The following WSCD2 variants were observed in gnomAD, a reference collection of about 807,000 sequenced individuals.
WSCD2 encodes the protein sialate:O-sulfotransferase 2.
WSCD2 carries 28 observed loss-of-function variants against 55.7 expected under a neutral mutation model. That is an observed-to-expected ratio of 0.50 (90% confidence interval 0.37 to 0.69). The LOEUF (loss-of-function observed/expected upper bound fraction) is 0.69, where lower values mean the gene tolerates loss of function less well. Ranked by LOEUF, WSCD2 falls within the 30% of genes least tolerant of loss-of-function variation. WSCD2 has a pLI of 0.00. For missense variants in WSCD2, 616 were observed against 762.1 expected (o/e 0.81, Z 2.26); for synonymous variants, 301 against 301.9 (o/e 1.00, Z 0.03).
intron 1 of WSCD2, among the ~76,000 whole-genome samples, chr12:108,194,746 T>G (rs573799408): frequency 6.6e-6 from 1 of 152,284 alleles, no homozygotes; most frequent in South Asian, 2.1e-4. Context: ...GAATGTGAGC[T>G]CTATGAAAGA....
At chr12:108,197,333 T>C (rs986125639) in intron 2 of WSCD2, 1 of 152,318 alleles carries the variant, frequency 6.6e-6, no homozygotes, top group Non-Finnish European at 1.5e-5. Context: ...CTGGGAACCA[T>C]CTAGAAGACT....
At chr12:108,150,845 G>A (rs1005152896) in intron 1 of WSCD2, among the ~76,000 whole-genome samples, 4 of 152,152 alleles carry the variant, frequency 2.6e-5, no homozygotes, top group South Asian at 2.1e-4. Flanking sequence ...AGACCTCTGC[G>A]AGAAGCTCTG....
At chr12:108,173,225 G>A (rs971376798) in intron 1 of WSCD2, among the ~76,000 whole-genome samples, 3 of 152,198 alleles carry the variant, frequency 2.0e-5, no homozygotes, top group African/African-American at 7.2e-5. Context: ...GTGCTGTCGA[G>A]ATGTCCCCCT....
In WSCD2 at chr12:108,184,374, G is replaced by A. The variant is rs111353524; in HGVS notation, c.-551-10908G>A. On this transcript the variant is annotated intron_variant, in intron 1 of 8. Transcript: ENST00000547525. ...AAGATTGGGCTTGGGTGATTTGGGGGTGGGGATGGCAGTTATTTTTCACTC... is the reference window on the plus strand; with the variant it reads ...AAGATTGGGCTTGGGTGATTTGGGGATGGGGATGGCAGTTATTTTTCACTC... 2.4e-3 allele frequency among the ~76,000 whole-genome samples: 370 copies of A among 152,342 alleles called. 2 individuals are homozygous for A. The highest frequency in any genetic ancestry group is 8.5e-3 in the African/African-American group (352 of 41,582).
chr12:108,152,496 A>T (rs750956902), intron 1 of WSCD2, among the ~76,000 whole-genome samples: 1 of 152,112 alleles, frequency 6.6e-6, no homozygotes, highest in African/African-American at 2.4e-5. Flanking sequence ...GATGCTGTGT[A>T]ATTCAGCCCT....
chr12:108,169,374 G>A (rs541811651), intron 1 of WSCD2, among the ~76,000 whole-genome samples: 1 of 151,370 alleles, frequency 6.6e-6, no homozygotes, highest in African/African-American at 2.4e-5. Flanking sequence ...CAGTGAAACC[G>A]GTCCCTGGTG....
Position 108,188,563 on chromosome 12 carries a change from G to A in WSCD2, c.-551-6719G>A, listed in dbSNP as rs555081716. On this transcript the variant is annotated intron_variant, in intron 1 of 8. Transcript: ENST00000547525. The stretch of plus-strand genomic sequence containing the variant: ...AAATTCTGGATTCCTAAGACAATGA[G>A]GGAAAGGATTTGGCATTTATAATGG... Among the ~76,000 whole-genome samples the A allele has an allele frequency of 5.9e-5, 9 of 152,272 alleles. No homozygotes were observed. The South Asian group carries it at 1.2e-3, about 21-fold the overall frequency.
chr12:108,182,332 G>A (rs966975196), intron 1 of WSCD2, among the ~76,000 whole-genome samples: 2 of 152,226 alleles, frequency 1.3e-5, no homozygotes, highest in Non-Finnish European at 2.9e-5. Context: ...CTGGAAGGCA[G>A]CGAGGCATGA....
intron 8 of WSCD2, chr12:108,244,471 T>C (rs754634360): frequency 1.4e-6 from 1 of 702,356 alleles, no homozygotes; most frequent in Non-Finnish European, 2.6e-6. Flanking sequence ...AATAGCATCG[T>C]GGACAATCAT....
At chr12:108,170,544 G>C (rs1880129348) in intron 1 of WSCD2, among the ~76,000 whole-genome samples, 1 of 152,158 alleles carries the variant, frequency 6.6e-6, no homozygotes, top group African/African-American at 2.4e-5. Flanking sequence ...ATCACCTTAT[G>C]AAAAAGGATC....
chr12:108,237,685 T>C (rs1014511837), intron 7 of WSCD2, among the ~76,000 whole-genome samples: 2 of 152,260 alleles, frequency 1.3e-5, no homozygotes, highest in Admixed American at 6.5e-5. Flanking sequence ...GACATTCTGC[T>C]AAATGGAATT....
chr12:108,227,727 GTGATGATGA>G (rs112313899), intron 6 of WSCD2, among the ~76,000 whole-genome samples: 2 of 150,360 alleles, frequency 1.3e-5, no homozygotes, highest in African/African-American at 4.9e-5. Flanking sequence ...GATAATGATG[GTGATGATGA>G]TGATGATGAT....
intron 6 of WSCD2, among the ~76,000 whole-genome samples, chr12:108,232,326 C>T (rs1259053484): frequency 1.3e-5 from 2 of 151,910 alleles, no homozygotes; most frequent in Non-Finnish European, 2.9e-5. Flanking sequence ...ACAAGAATAA[C>T]AAAAAATACA....
At chr12:108,149,255 T>C (rs1256538039) in intron 1 of WSCD2, among the ~76,000 whole-genome samples, 1 of 152,208 alleles carries the variant, frequency 6.6e-6, no homozygotes, top group Non-Finnish European at 1.5e-5. Flanking sequence ...AAGCTAAACA[T>C]TGGGAAACCT....
At chr12:108,242,528 C>T (rs1417014536) in intron 8 of WSCD2, among the ~76,000 whole-genome samples, 2 of 152,158 alleles carry the variant, frequency 1.3e-5, no homozygotes, top group African/African-American at 2.4e-5. Flanking sequence ...CTGCTCCTTA[C>T]GGTCCCTAGA....
chr12:108,139,501 C>T (rs1337840770), intron 1 of WSCD2, among the ~76,000 whole-genome samples: 1 of 152,166 alleles, frequency 6.6e-6, no homozygotes. Context: ...GAATTCGAAG[C>T]TGTGTAGTTT....
intron 1 of WSCD2, among the ~76,000 whole-genome samples, chr12:108,161,600 C>T (rs183699766): frequency 4.6e-5 from 7 of 152,336 alleles, no homozygotes; most frequent in African/African-American, 1.2e-4. Context: ...GACACCTTGA[C>T]CTCTGACTGC....
rs566248744 is a variant in WSCD2, at chr12:108,248,884, C to T, written c.*541C>T. The T allele has an allele frequency of 8.4e-5, 83 of 988,304 alleles. No individual in the cohort carries two copies. The highest frequency in any genetic ancestry group is 8.9e-5 in the Non-Finnish European group (74 of 831,554). 61.2% of individuals were successfully genotyped at this position (988,304 alleles called of 1,614,324 possible). A position where few individuals can be genotyped will look rare whatever the true frequency, so the allele number is the denominator to read the frequency against. ...AAGAAAGATTGCTGGGAAGTTTCTC[C>T]GTGGCCTTAGGTTTCTGACATCCTG... On this transcript the variant is annotated 3_prime_UTR_variant, in exon 9 of 9. Transcript: ENST00000547525. This position sits in a 1 kb window ranked among gnomAD's most constrained non-coding sequence, Gnocchi z 4.3.
intron 8 of WSCD2, among the ~76,000 whole-genome samples, chr12:108,247,297 T>C (rs1890158671): frequency 6.6e-6 from 1 of 150,464 alleles, no homozygotes; most frequent in Admixed American, 6.6e-5. Flanking sequence ...TATTTATTAA[T>C]ATATAAGTAT....
Sources: gnomAD v4.1 joint callset for allele counts (sites outside exome capture counted in the v4.1 genomes callset) on GRCh38, gnomAD v4.1.1 for gene constraint, Gnocchi (gnomAD v3.1) non-coding constraint, MANE v1.5 for transcripts, NCBI Gene and HGNC (gene_info 2026-07-23, HGNC 2026-07-21) for gene names.